Variants in TRIM44 observed in about 807,000 individuals in gnomAD.
The protein encoded by TRIM44 is tripartite motif containing 44, also known as tripartite motif-containing protein 44.
TRIM44 carries 13 observed loss-of-function variants against 37.4 expected under a neutral mutation model. The observed-to-expected ratio is 0.35, with a 90% CI of 0.23 to 0.55. The LOEUF (loss-of-function observed/expected upper bound fraction) is 0.55, where lower values mean the gene tolerates loss of function less well. Among genes scored for constraint, TRIM44 ranks in the 20% least tolerant of loss-of-function variants. TRIM44 has a pLI of 0.89. For missense variants in TRIM44, 426 were observed against 437.2 expected (o/e 0.97, Z 0.23); for synonymous variants, 175 against 157.2 (o/e 1.11, Z -0.85).
intron 2 of TRIM44, among the ~76,000 whole-genome samples, chr11:35,694,565 T>A (rs953119692): frequency 6.6e-6 from 1 of 152,026 alleles, no homozygotes; most frequent in African/African-American, 2.4e-5. Flanking sequence ...GTTTTGTTCA[T>A]AGAAGCATAA....
At chr11:35,773,309 T>C (rs1278020787) in intron 4 of TRIM44, among the ~76,000 whole-genome samples, 2 of 152,192 alleles carry the variant, frequency 1.3e-5, no homozygotes, top group African/African-American at 4.8e-5. Context: ...TTCATGTCTT[T>C]GGCCCACTTT....
chr11:35,676,082 A>T (rs1287986892), intron 1 of TRIM44, among the ~76,000 whole-genome samples: 1 of 152,138 alleles, frequency 6.6e-6, no homozygotes, highest in East Asian at 1.9e-4. Flanking sequence ...TCTTCCACCT[A>T]CTAGCTGTAT....
chr11:35,746,446 CTTTTTTTTTTT>C (rs5791065), intron 4 of TRIM44, among the ~76,000 whole-genome samples: 2 of 93,200 alleles, frequency 2.1e-5, no homozygotes, highest in African/African-American at 8.7e-5. Context: ...GGGGGTCCTT[CTTTTTTTTTTT>C]TTTTTTTTTT....
intron 4 of TRIM44, among the ~76,000 whole-genome samples, chr11:35,750,142 C>T (rs1303974680): frequency 6.6e-6 from 1 of 152,180 alleles, no homozygotes; most frequent in Admixed American, 6.5e-5. Flanking sequence ...TTCCTTTGTA[C>T]ATTTATGAAA....
At chr11:35,673,032 A>G (rs186669420) in intron 1 of TRIM44, among the ~76,000 whole-genome samples, 2 of 152,308 alleles carry the variant, frequency 1.3e-5, no homozygotes, top group East Asian at 3.9e-4. Flanking sequence ...ATCAAAATGT[A>G]CTTTCTTAAC....
At chr11:35,706,015 C>G (rs1360072553) in intron 2 of TRIM44, among the ~76,000 whole-genome samples, 2 of 148,310 alleles carry the variant, frequency 1.3e-5, no homozygotes, top group East Asian at 2.0e-4. Flanking sequence ...AGACTGCTAG[C>G]AAGACTAATA....
At chr11:35,755,696 G>A (rs1852627812) in intron 4 of TRIM44, among the ~76,000 whole-genome samples, 1 of 152,144 alleles carries the variant, frequency 6.6e-6, no homozygotes, top group Admixed American at 6.5e-5. Context: ...GTGTAAGGAA[G>A]GGATCCAGTT....
Position 35,805,186 on chromosome 11 carries a change from G to C in TRIM44, c.1008-1172G>C, listed in dbSNP as rs115185947. On this transcript the variant is annotated intron_variant, in intron 4 of 4. Coordinates refer to ENST00000299413, the MANE Select transcript of TRIM44 (RefSeq NM_017583.6). ...TTCACTTTTTTCATCTGGAAAACGG[G>C]GGATAATAATAGCCCCTACATAATA... Among the ~76,000 whole-genome samples, 1,108 of 152,218 alleles carry C rather than the reference G, an allele frequency of 7.3e-3. 9 individuals carry two copies. Among genetic ancestry groups the C allele is most frequent in the African/African-American group, 0.026 (1,065 of 41,530 alleles).
chr11:35,665,210 G>A (rs1040693871), intron 1 of TRIM44, among the ~76,000 whole-genome samples: 5 of 151,910 alleles, frequency 3.3e-5, no homozygotes, highest in East Asian at 3.9e-4. Context: ...GTCATGTCTC[G>A]GTGTACATTT....
At chr11:35,767,937 A>C (rs1339721243) in intron 4 of TRIM44, among the ~76,000 whole-genome samples, 1 of 152,192 alleles carries the variant, frequency 6.6e-6, no homozygotes, top group African/African-American at 2.4e-5. Context: ...GCTGCAGTGG[A>C]AATTTTAATC....
In TRIM44 at chr11:35,814,078, T is replaced by G. The variant is rs1240313901; in HGVS notation, c.*7693T>G. 2 of 152,226 alleles carry G rather than the reference T, an allele frequency of 1.3e-5. No individual in the cohort carries two copies. Among genetic ancestry groups the G allele is most frequent in the East Asian group, 3.8e-4 (2 of 5,196 alleles). The allele number at this position is 152,226 out of a possible 1,614,324, so 9.4% of individuals were successfully genotyped here. On this transcript the variant is annotated 3_prime_UTR_variant, in exon 5 of 5. Transcript: ENST00000299413. Reference sequence around the variant, plus strand: ...AAGTCACTTAAGCATCCCTGTTAGTTCTAAGCCCCTGTCGATTGCCCATTT... The same window carrying G: ...AAGTCACTTAAGCATCCCTGTTAGTGCTAAGCCCCTGTCGATTGCCCATTT...
At chr11:35,722,719 G>A (rs1019517645) in intron 2 of TRIM44, among the ~76,000 whole-genome samples, 1 of 152,152 alleles carries the variant, frequency 6.6e-6, no homozygotes, top group African/African-American at 2.4e-5. Flanking sequence ...TTATCAGCAA[G>A]GTCTTTATGA....
intron 4 of TRIM44, among the ~76,000 whole-genome samples, chr11:35,799,607 T>C (rs1046478691): frequency 2.6e-5 from 4 of 152,230 alleles, no homozygotes; most frequent in African/African-American, 9.7e-5. Context: ...GTTCAGTTCA[T>C]TTCTGGGGGT....
At chr11:35,784,979 A>G (rs1246482991) in intron 4 of TRIM44, among the ~76,000 whole-genome samples, 1 of 152,248 alleles carries the variant, frequency 6.6e-6, no homozygotes, top group Non-Finnish European at 1.5e-5. Flanking sequence ...AAATCTATCT[A>G]GAAATAGAGC....
chr11:35,738,346 T>C (rs956514362), intron 4 of TRIM44, among the ~76,000 whole-genome samples: 10 of 150,242 alleles, frequency 6.7e-5, no homozygotes, highest in African/African-American at 2.5e-4. Context: ...GACAAGATAA[T>C]GGAAAGGCAT....
chr11:35,727,459 A>C (rs938959525), intron 3 of TRIM44, among the ~76,000 whole-genome samples: 1 of 152,222 alleles, frequency 6.6e-6, no homozygotes, highest in Non-Finnish European at 1.5e-5. Context: ...CTGACAGGAA[A>C]TGTAAGAAAC....
chr11:35,774,528 C>T (rs1407107215), intron 4 of TRIM44, among the ~76,000 whole-genome samples: 1 of 152,188 alleles, frequency 6.6e-6, no homozygotes, highest in Non-Finnish European at 1.5e-5. Flanking sequence ...GTGTTTTAAT[C>T]ATGAAGTCCT....
intron 3 of TRIM44, among the ~76,000 whole-genome samples, chr11:35,727,170 A>G (rs181845191): frequency 6.6e-6 from 1 of 152,098 alleles, no homozygotes. Flanking sequence ...AAAAAAAAAA[A>G]AACCAAAAAA....
At position 35,803,446 on chromosome 11, in the gene TRIM44, GA is replaced by G. The variant is rs535549896; in HGVS notation, c.1008-2910del. On this transcript the variant is annotated intron_variant, in intron 4 of 4. Coordinates refer to ENST00000299413, the MANE Select transcript of TRIM44 (RefSeq NM_017583.6). ...TTATAGACTAAGATAAAAATCTCAT[GA>G]ACAGTCAGGCATGGTGGCTCATGCC... Among the ~76,000 whole-genome samples, 31 of 152,196 alleles carry G rather than the reference GA, an allele frequency of 2.0e-4. 1 individual carries two copies. In the South Asian group the frequency reaches 6.3e-3, roughly 31 times the overall value.
Sources: gnomAD v4.1 joint callset for allele counts (sites outside exome capture counted in the v4.1 genomes callset) on GRCh38, gnomAD v4.1.1 for gene constraint, MANE v1.5 for transcripts, NCBI Gene and HGNC (gene_info 2026-07-23, HGNC 2026-07-21) for gene names.